Variants in ADAMTS17 observed in about 807,000 individuals in gnomAD.
The protein encoded by ADAMTS17 is ADAM metallopeptidase with thrombospondin type 1 motif 17.
In ADAMTS17, 113 loss-of-function variants were observed where a neutral mutation model predicts 141.5. The ratio of observed to expected loss-of-function variants is 0.80; its 90% CI spans 0.69 to 0.93. ADAMTS17 has a LOEUF of 0.93. Among genes scored for constraint, ADAMTS17 ranks in the 40% least tolerant of loss-of-function variants. The probability of loss-of-function intolerance (pLI) is 0.00; values close to 1 mark genes in which losing one functional copy is unlikely to be tolerated. For missense variants in ADAMTS17, 1,659 were observed against 1,517.9 expected (o/e 1.09, Z -1.54); for synonymous variants, 768 against 630.6 (o/e 1.22, Z -3.27).
chr15:100,006,332 A>C (rs757475027), intron 18 of ADAMTS17, among the ~76,000 whole-genome samples: 30 of 152,212 alleles, frequency 2.0e-4, no homozygotes, highest in Non-Finnish European at 2.9e-4. Flanking sequence ...CACTCACTGC[A>C]TTCCCAATTC....
intron 3 of ADAMTS17, among the ~76,000 whole-genome samples, chr15:100,328,448 G>A (rs977130811): frequency 6.6e-6 from 1 of 152,170 alleles, no homozygotes; most frequent in Non-Finnish European, 1.5e-5. Context: ...GACTAGTGCA[G>A]AGCCTGAGTC....
At chr15:100,080,188 C>A (rs970387845) in intron 15 of ADAMTS17, among the ~76,000 whole-genome samples, 3 of 152,254 alleles carry the variant, frequency 2.0e-5, no homozygotes, top group Admixed American at 6.5e-5. Context: ...TTCTGCTGGC[C>A]TGGAGATCTT....
chr15:100,232,862 A>T (rs1202336504), intron 7 of ADAMTS17, among the ~76,000 whole-genome samples: 1 of 152,172 alleles, frequency 6.6e-6, no homozygotes, highest in Non-Finnish European at 1.5e-5. Flanking sequence ...CCACTGCAGC[A>T]GGTCTCACAG....
At chr15:100,088,786 T>C (rs1489863273) in intron 15 of ADAMTS17, among the ~76,000 whole-genome samples, 5 of 152,312 alleles carry the variant, frequency 3.3e-5, no homozygotes, top group African/African-American at 1.2e-4. Flanking sequence ...TGGCTAGCCA[T>C]ATGTAGAAAG....
At chr15:100,008,178 C>T (rs1280262038) in intron 18 of ADAMTS17, among the ~76,000 whole-genome samples, 1 of 152,078 alleles carries the variant, frequency 6.6e-6, no homozygotes, top group Non-Finnish European at 1.5e-5. Context: ...GCTCTGCAGA[C>T]CCTCCCTCTT....
chr15:100,261,381 T>C lies in ADAMTS17; in HGVS notation c.1031+98A>G. On this transcript the variant is annotated intron_variant, in intron 6 of 21. Transcript: ENST00000268070. ...CCCAGACAGGTGGCCCAAGGTCTGA[T>C]TTCCAAGCCTGAGTTCTTAACAACA... is the stretch of plus-strand genomic sequence containing the variant. 11 of 1,565,324 alleles carry C rather than the reference T, an allele frequency of 7.0e-6. No individual in the cohort carries two copies. In the South Asian group the frequency reaches 1.3e-4, roughly 18 times the overall value.
intron 3 of ADAMTS17, among the ~76,000 whole-genome samples, chr15:100,298,480 A>G (rs2044905084): frequency 6.6e-6 from 1 of 152,188 alleles, no homozygotes; most frequent in Admixed American, 6.5e-5. Flanking sequence ...GAGTGTTTAC[A>G]TGTTTTTGCA....
intron 3 of ADAMTS17, among the ~76,000 whole-genome samples, chr15:100,299,588 C>T (rs756251117): frequency 2.0e-5 from 3 of 151,806 alleles, no homozygotes; most frequent in Non-Finnish European, 4.4e-5. Context: ...CACGTTTCAA[C>T]CAGAGCAAGA....
intron 18 of ADAMTS17, among the ~76,000 whole-genome samples, chr15:100,044,562 G>A (rs1442506488): frequency 6.6e-6 from 1 of 152,190 alleles, no homozygotes; most frequent in Non-Finnish European, 1.5e-5. Context: ...CCATGACCAT[G>A]AGCATAGCTT....
Position 100,207,829 on chromosome 15 carries a change from T to C in ADAMTS17, c.1076-8406A>G, listed in dbSNP as rs182396344. The stretch of plus-strand genomic sequence containing the variant: ...ACCAGGGAGGGAGGTGAGAGAATCA[T>C]GACAACATGCCAAACGTGGACCCAT... On this transcript the variant is annotated intron_variant, in intron 7 of 21. Coordinates refer to ENST00000268070, the MANE Select transcript of ADAMTS17 (RefSeq NM_139057.4). Among the ~76,000 whole-genome samples, 321 of 152,238 alleles carry C rather than the reference T, an allele frequency of 2.1e-3. 2 individuals are homozygous for C. The highest frequency in any genetic ancestry group is 7.2e-3 in the African/African-American group (297 of 41,530).
At chr15:100,067,387 C>G (rs2033616977) in intron 15 of ADAMTS17, among the ~76,000 whole-genome samples, 2 of 152,266 alleles carry the variant, frequency 1.3e-5, no homozygotes, top group Non-Finnish European at 2.9e-5. Context: ...TCTGTCTCAG[C>G]AATATTCCTT....
chr15:100,323,062 G>A (rs574297159), intron 3 of ADAMTS17, among the ~76,000 whole-genome samples: 18 of 137,786 alleles, frequency 1.3e-4, no homozygotes, highest in African/African-American at 2.5e-4. Context: ...ACTCCAGCCC[G>A]GGAGACAGCG....
intron 15 of ADAMTS17, 137 bp from the exon 16 acceptor site, chr15:100,054,191 A>C: frequency 1.0e-6 from 1 of 959,524 alleles, no homozygotes; most frequent in Non-Finnish European, 1.7e-6. Flanking sequence ...GCCTGAAGCG[A>C]GAGAAGGCGA....
chr15:99,980,929 T>G (rs11629926), intron 20 of ADAMTS17, among the ~76,000 whole-genome samples: 10,600 of 152,290 alleles, frequency 0.07, 527 homozygotes, highest in South Asian at 0.15. Flanking sequence ...CTCCAGCATA[T>G]GCAGATGGTA....
At chr15:100,324,016 CTT>C (rs2045818745) in intron 3 of ADAMTS17, among the ~76,000 whole-genome samples, 1 of 129,772 alleles carries the variant, frequency 7.7e-6, no homozygotes, top group Admixed American at 8.5e-5. Context: ...GTAAACGTTC[CTT>C]TCTCTCAAAA....
intron 3 of ADAMTS17, 151 bp downstream of exon 3, chr15:100,330,738 G>A: frequency 1.0e-6 from 1 of 958,294 alleles, no homozygotes; most frequent in Non-Finnish European, 1.6e-6. Flanking sequence ...ACATAGAAAG[G>A]AAAAGGAAGT....
intron 15 of ADAMTS17, among the ~76,000 whole-genome samples, chr15:100,062,258 G>A (rs1291473789): frequency 6.6e-6 from 1 of 152,166 alleles, no homozygotes; most frequent in African/African-American, 2.4e-5. Context: ...GGCAGCAGAA[G>A]CACGAGCGGC....
chr15:100,311,272 G>A (rs966367800), intron 3 of ADAMTS17, among the ~76,000 whole-genome samples: 1 of 152,166 alleles, frequency 6.6e-6, no homozygotes, highest in African/African-American at 2.4e-5. Context: ...GCGGGAGCTG[G>A]CAGGGACCTC....
chr15:100,164,290 C>T (rs1298079399), intron 8 of ADAMTS17, among the ~76,000 whole-genome samples: 1 of 152,176 alleles, frequency 6.6e-6, no homozygotes, highest in Non-Finnish European at 1.5e-5. Flanking sequence ...TGCAGTCAGA[C>T]CAACCTAGAA....
Sources: gnomAD v4.1 joint callset for allele counts (sites outside exome capture counted in the v4.1 genomes callset) on GRCh38, gnomAD v4.1.1 for gene constraint, MANE v1.5 for transcripts, NCBI Gene and HGNC (gene_info 2026-07-23, HGNC 2026-07-21) for gene names.